The following TCERG1 variants were observed in gnomAD, a reference collection of about 807,000 sequenced individuals.
TCERG1 encodes TATA box binding protein (TBP)-associated factor, RNA polymerase II, S, 150kD.
Under a neutral mutation model 144.7 loss-of-function variants are expected in TCERG1, and 37 were observed. The observed-to-expected ratio is 0.26, with a 90% CI of 0.20 to 0.34. The LOEUF is 0.34. TCERG1 is among the 10% of genes least tolerant of loss of function. The pLI is 1.00. For synonymous variants in TCERG1, 492 were observed against 458.2 expected (o/e 1.07, Z -0.94); for missense variants, 1,027 against 1,380.7 (o/e 0.74, Z 4.06).
chr5:146,467,965 A>G (rs1179323184), intron 5 of TCERG1, among the ~76,000 whole-genome samples: 1 of 152,214 alleles, frequency 6.6e-6, no homozygotes, highest in East Asian at 1.9e-4. Flanking sequence ...GTCATGCTGC[A>G]TCTGCCTTTT....
chr5:146,492,246 AC>A (rs1413704780), intron 15 of TCERG1, among the ~76,000 whole-genome samples: 2 of 152,276 alleles, frequency 1.3e-5, no homozygotes, highest in East Asian at 3.9e-4. Flanking sequence ...AGAAAAAAAA[AC>A]TTGAGTTGCC....
chr5:146,468,924 G>A (rs1041499316), intron 6 of TCERG1, among the ~76,000 whole-genome samples: 5 of 151,050 alleles, frequency 3.3e-5, no homozygotes, highest in Non-Finnish European at 5.9e-5. Context: ...TATTTTAATA[G>A]TATTTTATTT....
At chr5:146,457,466 CT>C in intron 3 of TCERG1, 131 bp downstream of exon 3, 1 of 886,390 alleles carries the variant, frequency 1.1e-6, no homozygotes, top group Non-Finnish European at 1.6e-6. Context: ...TGGGGTAAGA[CT>C]TCAGGAGAAG....
At chr5:146,488,763 T>C (rs1015797789) in intron 15 of TCERG1, among the ~76,000 whole-genome samples, 2 of 152,178 alleles carry the variant, frequency 1.3e-5, no homozygotes, top group Admixed American at 1.3e-4. Context: ...ATTGAAGAGA[T>C]ATCTGTACCC....
intron 21 of TCERG1, 77 bp from the exon 22 acceptor site, chr5:146,509,068 T>C (rs182545485): frequency 2.6e-6 from 2 of 770,316 alleles, no homozygotes; most frequent in East Asian, 2.7e-5. Flanking sequence ...CATTACTGTT[T>C]AATAAATAAT....
At chr5:146,503,649 G>GT in intron 18 of TCERG1, 110 bp downstream of exon 18, 1 of 1,420,830 alleles carries the variant, frequency 7.0e-7, no homozygotes, top group Non-Finnish European at 9.5e-7. Context: ...ATTTTTTCTT[G>GT]TTAGTATTCT....
chr5:146,503,292 C>T, intron 17 of TCERG1, 83 bp from the exon 18 acceptor site: 2 of 1,345,300 alleles, frequency 1.5e-6, no homozygotes, highest in Non-Finnish European at 2.0e-6. Flanking sequence ...AACTTTTTTT[C>T]TAGTTGTAAA....
intron 4 of TCERG1, among the ~76,000 whole-genome samples, chr5:146,461,824 G>A (rs1485120387): frequency 6.6e-6 from 1 of 152,110 alleles, no homozygotes; most frequent in Non-Finnish European, 1.5e-5. Context: ...AACTCATTTT[G>A]TGCAAGTTTG....
intron 2 of TCERG1, among the ~76,000 whole-genome samples, chr5:146,455,684 A>G (rs1762764802): frequency 6.6e-6 from 1 of 152,224 alleles, no homozygotes; most frequent in Non-Finnish European, 1.5e-5. Context: ...TTCCTGAGTA[A>G]GTCTTCCTCC....
rs756047899 is a variant in TCERG1 at position 146,491,179 on chromosome 5, A to G, written c.2164-1741A>G. ...TTTTTTTTTTGCATGTAGAGATGGG[A>G]TTTTGCCACGTTGCCCAGGCTGGTC... On this transcript the variant is annotated intron_variant, in intron 15 of 22. Transcript: ENST00000679501. Among the ~76,000 whole-genome samples the G allele has an allele frequency of 2.2e-4, 33 of 148,738 alleles. 1 individual carries two copies. Among genetic ancestry groups the G allele is most frequent in the Non-Finnish European group, 1.3e-4 (9 of 67,298 alleles).
chr5:146,505,212 C>G (rs1767858794), intron 19 of TCERG1, among the ~76,000 whole-genome samples: 1 of 152,018 alleles, frequency 6.6e-6, no homozygotes, highest in Middle Eastern at 3.2e-3. Flanking sequence ...GGTTGGAAAA[C>G]CTTGTCCTAC....
At chr5:146,493,162 C>T (rs541349593) in intron 16 of TCERG1, 124 bp downstream of exon 16, 29 of 658,128 alleles carry the variant, frequency 4.4e-5, no homozygotes, top group South Asian at 4.4e-4. Context: ...ATTTGATTAT[C>T]GGTTTTTGCC....
intron 3 of TCERG1, among the ~76,000 whole-genome samples, chr5:146,457,603 G>A (rs1762934915): frequency 6.6e-6 from 1 of 152,206 alleles, no homozygotes; most frequent in Non-Finnish European, 1.5e-5. Context: ...CAAATTCCAG[G>A]CTCCTAGAAG....
intron 1 of TCERG1, 136 bp downstream of exon 1, chr5:146,447,544 T>A: frequency 1.7e-6 from 2 of 1,146,276 alleles, no homozygotes; most frequent in Non-Finnish European, 2.4e-6. Context: ...GCATGGGGTT[T>A]AAGAAGGGGG....
intron 15 of TCERG1, among the ~76,000 whole-genome samples, chr5:146,489,318 C>G (rs990925140): frequency 2.0e-5 from 3 of 152,036 alleles, no homozygotes; most frequent in African/African-American, 4.8e-5. Context: ...ACACAGTAAC[C>G]CCATGAATAT....
At chr5:146,477,146 A>G (rs1454397693) in intron 9 of TCERG1, among the ~76,000 whole-genome samples, 2 of 151,358 alleles carry the variant, frequency 1.3e-5, no homozygotes, top group Non-Finnish European at 2.9e-5. Context: ...ATTTAATTTC[A>G]GTTATTTTTA....
At chr5:146,491,168 G>A (rs1157280101) in intron 15 of TCERG1, among the ~76,000 whole-genome samples, 3 of 149,266 alleles carry the variant, frequency 2.0e-5, no homozygotes, top group Non-Finnish European at 4.4e-5. Context: ...TTTTTTGCAT[G>A]TAGAGATGGG....
At chr5:146,467,369 TA>T (rs1426875154) in intron 5 of TCERG1, among the ~76,000 whole-genome samples, 1 of 152,072 alleles carries the variant, frequency 6.6e-6, no homozygotes, top group Non-Finnish European at 1.5e-5. Flanking sequence ...CTGAAAAAAA[TA>T]AAAAAGTAAA....
At chr5:146,485,631 T>C (rs1765753415) in intron 15 of TCERG1, among the ~76,000 whole-genome samples, 1 of 152,206 alleles carries the variant, frequency 6.6e-6, no homozygotes, top group South Asian at 2.1e-4. Flanking sequence ...ATTATTCTAG[T>C]GTTCTGTTTT....
Sources: gnomAD v4.1 joint callset for allele counts (sites outside exome capture counted in the v4.1 genomes callset) on GRCh38, gnomAD v4.1.1 for gene constraint, MANE v1.5 for transcripts, NCBI Gene and HGNC (gene_info 2026-07-23, HGNC 2026-07-21) for gene names.